Variants in NFRKB observed in about 807,000 individuals in gnomAD.
NFRKB encodes the protein nuclear factor related to kappa-B-binding protein.
NFRKB carries 62 observed loss-of-function variants against 135.7 expected under a neutral mutation model. The ratio of observed to expected loss-of-function variants is 0.46; its 90% CI spans 0.37 to 0.56. The LOEUF (loss-of-function observed/expected upper bound fraction) is 0.56. Among genes scored for constraint, NFRKB ranks in the 20% least tolerant of loss-of-function variants. The pLI is 0.00. For synonymous variants in NFRKB, 678 were observed against 635.6 expected (o/e 1.07, Z -1.00); for missense variants, 1,545 against 1,662.0 (o/e 0.93, Z 1.22).
At chr11:129,864,932 C>A in intron 26 of NFRKB, 34 bp downstream of exon 26, 1 of 1,612,012 alleles carries the variant, frequency 6.2e-7, no homozygotes. Flanking sequence ...CAGAGAGGAG[C>A]CGGATATGGC....
chr11:129,865,843 C>G (rs755511147), intron 25 of NFRKB, 34 bp downstream of exon 25: 5 of 1,604,024 alleles, frequency 3.1e-6, no homozygotes, highest in Non-Finnish European at 4.3e-6. Context: ...CCTCCACCCC[C>G]GAATTGGTTC....
chr11:129,875,611 C>A, intron 17 of NFRKB, 148 bp from the exon 18 acceptor site: 1 of 570,250 alleles, frequency 1.8e-6, no homozygotes, highest in East Asian at 2.9e-5. Flanking sequence ...CTCTGCCCTC[C>A]AGCAGCTGGC....
rs367799283 is a variant in NFRKB at position 129,874,851 on chromosome 11, G to A, written c.1920C>T (p.Tyr640=). ...LHYEKDPCVK[Y]DIGRKLWIYL... ...AGATCCACAGCTTTCGTCCAATGTC[G>A]TATTTCACACAGGGATCTTTTTCGT... Residue 640 remains tyrosine (Y), a synonymous_variant, in exon 19 of 27, where the codon TAC becomes TAT. Coordinates refer to ENST00000682444, the MANE Select transcript of NFRKB (RefSeq NM_001143835.2). This position sits in a 1 kb window ranked among gnomAD's most constrained non-coding sequence, Gnocchi z 4.5. 1.2e-5 allele frequency: 20 copies of A among 1,614,018 alleles called. No homozygotes were observed. The highest frequency in any genetic ancestry group is 7.7e-5 in the South Asian group (7 of 91,086).
intron 11 of NFRKB, 36 bp from the exon 12 acceptor site, chr11:129,881,889 C>T: frequency 1.3e-6 from 2 of 1,560,174 alleles, no homozygotes; most frequent in Non-Finnish European, 1.7e-6. Flanking sequence ...AGTCAGACTT[C>T]TCTTCCACAC....
In NFRKB at chr11:129,863,642, CAAAA is replaced by C. The variant is rs573991264; in HGVS notation, c.*1079_*1082del. 5 of 152,164 alleles carry C rather than the reference CAAAA, an allele frequency of 3.3e-5. No individual in the cohort carries two copies. Among genetic ancestry groups the C allele is most frequent in the East Asian group, 3.8e-4 (2 of 5,326 alleles). The allele number at this position is 152,164 out of a possible 1,614,324, so 9.4% of individuals were successfully genotyped here. ...ACAAACAAACAAACAAACAAACAAA[CAAAA>C]AACGCTTTTACTTAAAAGGCCATAT... On this transcript the variant is annotated 3_prime_UTR_variant, in exon 27 of 27. Transcript: ENST00000682444.
At chr11:129,881,691 G>T in intron 12 of NFRKB, 36 bp downstream of exon 12, 1 of 1,609,428 alleles carries the variant, frequency 6.2e-7, no homozygotes, top group Non-Finnish European at 8.5e-7. Context: ...GACAAAAGGG[G>T]GAAAAATACT....
At chr11:129,875,512 C>A in intron 17 of NFRKB, 49 bp from the exon 18 acceptor site, 3 of 1,460,770 alleles carry the variant, frequency 2.1e-6, no homozygotes, top group Non-Finnish European at 2.8e-6. Flanking sequence ...AGGGTTCCTA[C>A]GGAGGTACAA....
chr11:129,879,218 C>T (rs1366668511), intron 13 of NFRKB, among the ~76,000 whole-genome samples: 2 of 152,216 alleles, frequency 1.3e-5, no homozygotes, highest in Admixed American at 6.5e-5. Flanking sequence ...CTCAAAGGGG[C>T]TGTTTACCTT....
In NFRKB at chr11:129,885,592, G is replaced by A; in HGVS notation, c.483C>T (p.Ala161=). The A allele has an allele frequency of 6.2e-7, 1 of 1,611,172 alleles. No individual in the cohort carries two copies. The highest frequency in any genetic ancestry group is 1.1e-5 in the South Asian group (1 of 90,940). The change falls in exon 6 of 27, where the codon GCC becomes GCT. Residue 161 remains alanine, a synonymous_variant. Transcript: ENST00000682444. ...AGGGAAGGGCGGGGCCACTCCGCCG[G>A]GCCATCTCCAGCAGATCCTAGGTAG... ...LASRSDLLEM[A]RRSGPALPFR... is the part of the protein sequence containing the mutation.
rs747217438 is a variant in NFRKB at position 129,870,145 on chromosome 11, G to T, written c.2880C>A (p.Ile960=). 3.1e-6 allele frequency: 5 copies of T among 1,614,134 alleles called. No homozygotes were observed. In the Admixed American group the frequency reaches 5.0e-5, roughly 16 times the overall value. The change falls in exon 24 of 27, where the codon ATC becomes ATA. Residue 960 remains isoleucine, a synonymous_variant. Transcript: ENST00000682444. ...CCGTCTGGCCCTTGGCATCTGTGGT[G>T]ATGGAAGAGGGCGGCAGACGCAATA... ...KDVLRLPPSS[I]TTDAKGQTVL... is the part of the protein sequence containing the mutation.
At chr11:129,884,164 A>C (rs754066591) in intron 7 of NFRKB, 21 bp from the exon 8 acceptor site, 71 of 1,607,142 alleles carry the variant, frequency 4.4e-5, no homozygotes, top group Middle Eastern at 3.3e-4. Flanking sequence ...AAACCAAACC[A>C]TATTCACTAT....
intron 24 of NFRKB, among the ~76,000 whole-genome samples, chr11:129,868,827 C>T (rs775383868): frequency 1.3e-5 from 2 of 152,142 alleles, no homozygotes; most frequent in Non-Finnish European, 2.9e-5. Context: ...TCAGGATTAT[C>T]GCGACCAGCA....
Position 129,878,536 on chromosome 11 carries a change from G to C in NFRKB, c.1392C>G (p.Ser464=). 1 of 1,613,772 alleles carries C rather than the reference G, an allele frequency of 6.2e-7. No homozygotes were observed. The highest frequency in any genetic ancestry group is 1.7e-5 in the Admixed American group (1 of 60,006). ...CAGCTAATTCCTTTTCATTATCTTG[G>C]GATTGGCCTATTAGAGGAATAAAGA... ...KTQQWKLLGQ[S]QDNEKELAAL... is the part of the protein sequence containing the mutation. Residue 464 remains serine (S), a synonymous_variant, in exon 14 of 27, where the codon TCC becomes TCG. Coordinates refer to ENST00000682444, the MANE Select transcript of NFRKB (RefSeq NM_001143835.2).
At chr11:129,878,747 C>T (rs1057223344) in intron 13 of NFRKB, among the ~76,000 whole-genome samples, 2 of 152,210 alleles carry the variant, frequency 1.3e-5, no homozygotes, top group Non-Finnish European at 2.9e-5. Context: ...AAATCATTCA[C>T]TCCGTAGGCA....
chr11:129,892,030 C>T (rs1210114094), intron 3 of NFRKB, among the ~76,000 whole-genome samples: 1 of 150,130 alleles, frequency 6.7e-6, no homozygotes, highest in Non-Finnish European at 1.5e-5. Context: ...ATTTGTTTTC[C>T]ATAATTTCTT....
chr11:129,895,331 G>A (rs1949724345), intron 1 of NFRKB, among the ~76,000 whole-genome samples, 165 bp downstream of exon 1: 1 of 151,208 alleles, frequency 6.6e-6, no homozygotes, highest in African/African-American at 2.4e-5. Context: ...CCCACGCCGT[G>A]CCTAACCCTA....
At chr11:129,886,512 T>C (rs558549493) in intron 4 of NFRKB, 68 bp from the exon 5 acceptor site, 2 of 1,398,914 alleles carry the variant, frequency 1.4e-6, no homozygotes, top group Admixed American at 1.7e-5. Flanking sequence ...AACAAATATA[T>C]TGAATGAGTG....
chr11:129,867,894 T>C (rs1948282378), intron 24 of NFRKB, among the ~76,000 whole-genome samples: 1 of 152,206 alleles, frequency 6.6e-6, no homozygotes, highest in Admixed American at 6.5e-5. Context: ...AATGCAGCCT[T>C]TCAAGCTAGT....
chr11:129,893,146 A>G, intron 2 of NFRKB: 1 of 1,160,238 alleles, frequency 8.6e-7, no homozygotes, highest in Non-Finnish European at 1.1e-6. Flanking sequence ...AGATGAGTAA[A>G]ATGAGACTGA....
Sources: allele counts gnomAD v4.1 joint callset (sites outside exome capture counted in the v4.1 genomes callset), GRCh38; gene constraint gnomAD v4.1.1; non-coding constraint Gnocchi (gnomAD v3.1); transcripts MANE v1.5; gene names NCBI Gene and HGNC (gene_info 2026-07-23, HGNC 2026-07-21).